The following DLGAP2 variants were observed in gnomAD, a reference collection of about 807,000 sequenced individuals.
The protein encoded by DLGAP2 is disks large-associated protein 2.
A neutral mutation model predicts 100.3 loss-of-function variants in DLGAP2; 26 were observed. The ratio of observed to expected loss-of-function variants is 0.26; its 90% confidence interval spans 0.19 to 0.36. DLGAP2 has a LOEUF of 0.36. Among genes scored for constraint, DLGAP2 ranks in the 10% least tolerant of loss-of-function variants. The pLI is 1.00. For missense variants in DLGAP2, 1,858 were observed against 1,453.2 expected, an observed-to-expected ratio of 1.28 and a Z score of -4.53; for synonymous variants, 886 against 630.1, an observed-to-expected ratio of 1.41 and a Z score of -6.08.
intron 2 of DLGAP2, among the ~76,000 whole-genome samples, chr8:937,454 A>G (rs1401499325): frequency 6.6e-6 from 1 of 152,194 alleles, no homozygotes; most frequent in Non-Finnish European, 1.5e-5. Context: ...CTTTAAAGAG[A>G]TGCCAGTTAA....
intron 2 of DLGAP2, among the ~76,000 whole-genome samples, chr8:1,161,649 C>A (rs897823443): frequency 6.6e-6 from 1 of 152,188 alleles, no homozygotes; most frequent in African/African-American, 2.4e-5. Context: ...GGGGTTTGAA[C>A]GCCTGTAGGG....
chr8:1,500,135 G>GA (rs1799668917), intron 3 of DLGAP2, among the ~76,000 whole-genome samples: 1 of 152,254 alleles, frequency 6.6e-6, no homozygotes, highest in Admixed American at 6.5e-5. Context: ...AAAGATGTGT[G>GA]TACGCACATG....
chr8:826,960 C>A (rs1796695265), intron 1 of DLGAP2, among the ~76,000 whole-genome samples: 1 of 152,192 alleles, frequency 6.6e-6, no homozygotes, highest in Admixed American at 6.5e-5. Context: ...TGTTTCAGAA[C>A]TACAGAAGGG....
intron 2 of DLGAP2, among the ~76,000 whole-genome samples, chr8:1,237,251 C>T (rs1229751899): frequency 1.4e-5 from 2 of 143,354 alleles, no homozygotes; most frequent in Non-Finnish European, 3.0e-5. Context: ...AGTTCTCTCT[C>T]ACATGGTGCT....
intron 10 of DLGAP2, among the ~76,000 whole-genome samples, chr8:1,674,243 C>T (rs2130848018): frequency 1.3e-5 from 2 of 152,130 alleles, no homozygotes; most frequent in South Asian, 4.2e-4. Context: ...TGGGGTCTTG[C>T]CATGTTGCCT....
chr8:1,673,050 A>G (rs1798729942), intron 10 of DLGAP2, among the ~76,000 whole-genome samples: 1 of 152,204 alleles, frequency 6.6e-6, no homozygotes, highest in Non-Finnish European at 1.5e-5. Context: ...CTGGGACTGC[A>G]TGGGAGGTGG....
chr8:1,217,493 C>G (rs1798237438), intron 2 of DLGAP2, among the ~76,000 whole-genome samples: 1 of 152,118 alleles, frequency 6.6e-6, no homozygotes, highest in Non-Finnish European at 1.5e-5. Context: ...ATTACTGGAT[C>G]AAATGGTAGT....
intron 4 of DLGAP2, among the ~76,000 whole-genome samples, chr8:1,506,690 GAGAGCTGATTGGTCTGTTTTACAA>G (rs1420312691): frequency 5.9e-5 from 9 of 152,274 alleles, no homozygotes; most frequent in Non-Finnish European, 8.8e-5. Flanking sequence ...CCATTTTACA[GAGAGCTGATTGGTCTGTTTTACAA>G]AGAGCTGATT....
At chr8:1,055,019 G>A (rs952030115) in intron 2 of DLGAP2, among the ~76,000 whole-genome samples, 3 of 152,204 alleles carry the variant, frequency 2.0e-5, no homozygotes, top group Non-Finnish European at 4.4e-5. Context: ...AAGGAATGTT[G>A]AGGCCACATG....
intron 2 of DLGAP2, among the ~76,000 whole-genome samples, chr8:950,426 C>T (rs1017024704): frequency 2.6e-5 from 4 of 152,022 alleles, no homozygotes; most frequent in Non-Finnish European, 5.9e-5. Context: ...GCGCTTCCTG[C>T]GGGTCACGTC....
At chr8:911,958 CA>C (rs1798493981) in intron 2 of DLGAP2, among the ~76,000 whole-genome samples, 1 of 152,176 alleles carries the variant, frequency 6.6e-6, no homozygotes, top group Admixed American at 6.5e-5. Flanking sequence ...TTCAGAATTG[CA>C]ATGACATTTG....
chr8:1,218,452 C>G (rs748984289), intron 2 of DLGAP2, among the ~76,000 whole-genome samples: 5 of 151,834 alleles, frequency 3.3e-5, no homozygotes, highest in Non-Finnish European at 7.4e-5. Context: ...GTCTATGTGT[C>G]TGGGTTTTGT....
chr8:1,081,785 A>G (rs1803819569), intron 2 of DLGAP2, among the ~76,000 whole-genome samples: 1 of 152,156 alleles, frequency 6.6e-6, no homozygotes, highest in South Asian at 2.1e-4. Flanking sequence ...TGAGAATTTA[A>G]AACACTCTCA....
At chr8:1,230,136 C>G (rs1015165451) in intron 2 of DLGAP2, among the ~76,000 whole-genome samples, 1 of 152,136 alleles carries the variant, frequency 6.6e-6, no homozygotes, top group Admixed American at 6.5e-5. Flanking sequence ...CAAAGGGCTC[C>G]TGGAACTGAT....
intron 1 of DLGAP2, among the ~76,000 whole-genome samples, chr8:809,464 T>A (rs983713922): frequency 6.6e-6 from 1 of 151,790 alleles, no homozygotes; most frequent in Non-Finnish European, 1.5e-5. Flanking sequence ...GCAGGTTTTT[T>A]TTTTTTTGTG....
chr8:832,554 T>A (rs1796802062), intron 1 of DLGAP2, among the ~76,000 whole-genome samples: 1 of 152,234 alleles, frequency 6.6e-6, no homozygotes, highest in Non-Finnish European at 1.5e-5. Context: ...TACTGAGAAG[T>A]GATACTATTA....
chr8:1,255,040 C>T (rs1311468138), intron 2 of DLGAP2, among the ~76,000 whole-genome samples: 1 of 61,476 alleles, frequency 1.6e-5, no homozygotes, highest in African/African-American at 5.0e-5. Flanking sequence ...TCCTGCCCAG[C>T]CGCTGTGTGT....
chr8:1,334,746 A>G (rs1394732032), intron 3 of DLGAP2, among the ~76,000 whole-genome samples: 5 of 148,142 alleles, frequency 3.4e-5, no homozygotes, highest in Non-Finnish European at 7.5e-5. Flanking sequence ...CATGGAAGCT[A>G]TTTCTCATAC....
rs1008628429 is a variant in DLGAP2 at position 927,238 on chromosome 8, G to T, written c.73+19272G>T. ...TTATAGAACATGATCCATTATGGGG[G>T]ATTCATGTTGATGGAGGACAGTGAT... On this transcript the variant is annotated intron_variant, in intron 2 of 14. Coordinates refer to ENST00000637795, the MANE Select transcript of DLGAP2 (RefSeq NM_001346810.2). 2.4e-5 allele frequency: 24 copies of T among 985,164 alleles called. 1 individual carries two copies. The highest frequency in any genetic ancestry group is 2.9e-5 in the Non-Finnish European group (24 of 829,804). The allele number at this position is 985,164 out of a possible 1,614,324, so 61.0% of individuals were successfully genotyped here.
Sources: gnomAD v4.1 joint callset for allele counts (sites outside exome capture counted in the v4.1 genomes callset) on GRCh38, gnomAD v4.1.1 for gene constraint, MANE v1.5 for transcripts, NCBI Gene and HGNC (gene_info 2026-07-23, HGNC 2026-07-21) for gene names.